DCC: variants seen among roughly 807,000 people sequenced by gnomAD.
The protein encoded by DCC is DCC netrin 1 receptor, also known as netrin receptor DCC.
DCC carries 58 observed loss-of-function variants against 172.5 expected under a neutral mutation model. That is an observed-to-expected ratio of 0.34 (90% CI 0.27 to 0.42). The LOEUF is 0.42. Among genes scored for constraint, DCC ranks in the 10% least tolerant of loss-of-function variants. The pLI, the probability that DCC is intolerant of heterozygous loss-of-function variation, is 1.00. For synonymous variants in DCC, 709 were observed against 644.5 expected (o/e 1.10, Z -1.52); for missense variants, 1,740 against 1,791.0 (o/e 0.97, Z 0.51).
chr18:52,839,026 G>A (rs1598854582), intron 2 of DCC, among the ~76,000 whole-genome samples: 1 of 152,152 alleles, frequency 6.6e-6, no homozygotes, highest in African/African-American at 2.4e-5. Context: ...TGAAGCAGAG[G>A]ACATGTGGAG....
intron 7 of DCC, among the ~76,000 whole-genome samples, chr18:53,078,470 T>C (rs1430686339): frequency 6.6e-6 from 1 of 152,180 alleles, no homozygotes; most frequent in African/African-American, 2.4e-5. Flanking sequence ...GGTTTGACCC[T>C]ATCTTACGAG....
intron 7 of DCC, among the ~76,000 whole-genome samples, chr18:53,120,814 T>C (rs1466206366): frequency 6.6e-6 from 1 of 151,764 alleles, no homozygotes. Context: ...ATGTTCATGA[T>C]AGAGAATATG....
intron 7 of DCC, among the ~76,000 whole-genome samples, chr18:53,145,359 C>T (rs565378058): frequency 3.3e-5 from 5 of 152,148 alleles, no homozygotes; most frequent in South Asian, 2.1e-4. Flanking sequence ...GTGATCCGCC[C>T]GCCTCGGCCT....
chr18:53,180,128 C>T (rs894900131), intron 9 of DCC, among the ~76,000 whole-genome samples: 5 of 152,072 alleles, frequency 3.3e-5, no homozygotes, highest in African/African-American at 1.2e-4. Flanking sequence ...TATTCTATCA[C>T]TTCTTGGGTG....
chr18:52,856,582 C>G (rs1024343050), intron 2 of DCC, among the ~76,000 whole-genome samples: 4 of 137,918 alleles, frequency 2.9e-5, no homozygotes, highest in African/African-American at 8.1e-5. Context: ...GCCGGGATTG[C>G]GCCACTGCAC....
intron 7 of DCC, among the ~76,000 whole-genome samples, chr18:53,083,202 A>G (rs758537761): frequency 6.6e-6 from 1 of 152,140 alleles, no homozygotes; most frequent in East Asian, 1.9e-4. Flanking sequence ...AGGAGTGACA[A>G]TTGGTGTGCT....
intron 16 of DCC, among the ~76,000 whole-genome samples, chr18:53,389,117 A>G (rs1177327428): frequency 6.6e-6 from 1 of 152,150 alleles, no homozygotes; most frequent in East Asian, 1.9e-4. Context: ...TAATGACTCA[A>G]CATTCATGGG....
chr18:53,365,393 AAT>A (rs57174501), intron 15 of DCC, among the ~76,000 whole-genome samples: 5 of 147,356 alleles, frequency 3.4e-5, no homozygotes, highest in African/African-American at 5.0e-5. Context: ...AAAGTACAGT[AAT>A]ATATATATAT....
intron 7 of DCC, among the ~76,000 whole-genome samples, chr18:53,116,946 ATAGTT>A (rs774601471): frequency 6.6e-6 from 1 of 151,698 alleles, no homozygotes; most frequent in Non-Finnish European, 1.5e-5. Flanking sequence ...TGTGACCAAA[ATAGTT>A]TAGATTTTCA....
intron 12 of DCC, among the ~76,000 whole-genome samples, chr18:53,232,409 C>T (rs2056136655): frequency 6.6e-6 from 1 of 152,088 alleles, no homozygotes; most frequent in Non-Finnish European, 1.5e-5. Flanking sequence ...TGTGGGTGGT[C>T]ACATTATCTT....
intron 1 of DCC, among the ~76,000 whole-genome samples, chr18:52,575,411 G>A (rs1231407692): frequency 1.3e-5 from 2 of 152,132 alleles, no homozygotes; most frequent in Non-Finnish European, 2.9e-5. Flanking sequence ...TATTACTCAC[G>A]TTATTCACTG....
At chr18:53,509,260 G>GTCTT (rs1187877555) in intron 27 of DCC, among the ~76,000 whole-genome samples, 1 of 152,222 alleles carries the variant, frequency 6.6e-6, no homozygotes, top group Non-Finnish European at 1.5e-5. Flanking sequence ...CACTACTGAT[G>GTCTT]TCTTTGTCTT....
At chr18:52,740,837 G>A (rs751037249) in intron 1 of DCC, among the ~76,000 whole-genome samples, 9 of 152,098 alleles carry the variant, frequency 5.9e-5, no homozygotes, top group Non-Finnish European at 1.2e-4. Context: ...CTGATCAGAG[G>A]GTGATTATAG....
At chr18:52,617,061 G>A (rs776107642) in intron 1 of DCC, among the ~76,000 whole-genome samples, 2 of 152,166 alleles carry the variant, frequency 1.3e-5, no homozygotes, top group Non-Finnish European at 2.9e-5. Flanking sequence ...TAGACTAGGT[G>A]AATATCATGG....
At chr18:53,337,952 G>C (rs532772424) in intron 14 of DCC, among the ~76,000 whole-genome samples, 1 of 152,184 alleles carries the variant, frequency 6.6e-6, no homozygotes, top group South Asian at 2.1e-4. Context: ...GACATTTCTG[G>C]AACATAAATA....
chr18:52,427,843 C>CCTTCCTTT (rs1555681281), intron 1 of DCC, among the ~76,000 whole-genome samples: 62 of 49,196 alleles, frequency 1.3e-3, no homozygotes, highest in African/African-American at 4.1e-3. Flanking sequence ...TTTCTTCCTT[C>CCTTCCTTT]CTTCCTTCCT....
chr18:53,436,170 C>G (rs558865011), intron 22 of DCC, among the ~76,000 whole-genome samples: 2 of 152,244 alleles, frequency 1.3e-5, no homozygotes, highest in East Asian at 3.9e-4. Context: ...ATACGTATCC[C>G]TAAACATTAT....
At chr18:52,817,844 A>G (rs781064296) in intron 2 of DCC, among the ~76,000 whole-genome samples, 1 of 152,188 alleles carries the variant, frequency 6.6e-6, no homozygotes, top group Non-Finnish European at 1.5e-5. Context: ...ACATATAAAT[A>G]TACACATATA....
chr18:53,226,308 G>A (rs2056026889), intron 12 of DCC, among the ~76,000 whole-genome samples: 1 of 152,212 alleles, frequency 6.6e-6, no homozygotes, highest in Admixed American at 6.5e-5. Context: ...CATCAGAACT[G>A]TTGGTGGAAA....
Sources: allele counts gnomAD v4.1 joint callset (sites outside exome capture counted in the v4.1 genomes callset), GRCh38; gene constraint gnomAD v4.1.1; transcripts MANE v1.5; gene names NCBI Gene and HGNC (gene_info 2026-07-23, HGNC 2026-07-21).